Variants in CRIM1 observed in about 807,000 individuals in gnomAD.
The protein encoded by CRIM1 is cysteine rich transmembrane BMP regulator 1, also known as cysteine-rich motor neuron 1 protein.
Under a neutral mutation model 116.4 loss-of-function variants are expected in CRIM1, and 32 were observed. That is an observed-to-expected ratio of 0.27 (90% CI 0.21 to 0.37). CRIM1 has a LOEUF of 0.37. CRIM1 is among the 10% of genes least tolerant of loss of function. The pLI, the probability that CRIM1 is intolerant of heterozygous loss-of-function variation, is 1.00. For missense variants in CRIM1, 1,331 were observed against 1,354.8 expected (o/e 0.98, Z 0.28); for synonymous variants, 590 against 509.2 (o/e 1.16, Z -2.13).
chr2:36,398,457 G>A (rs1672192350), intron 2 of CRIM1, among the ~76,000 whole-genome samples: 3 of 152,172 alleles, frequency 2.0e-5, no homozygotes, highest in Non-Finnish European at 2.9e-5. Flanking sequence ...AGTTAGGCGT[G>A]TATTTATGAT....
intron 13 of CRIM1, among the ~76,000 whole-genome samples, chr2:36,530,970 A>C (rs556764857): frequency 6.6e-6 from 1 of 152,152 alleles, no homozygotes; most frequent in Non-Finnish European, 1.5e-5. Context: ...TGCATCCCCA[A>C]CACTTAGGAT....
chr2:36,448,490 G>A lies in CRIM1; in HGVS notation c.869+5755G>A, dbSNP rs186581025. The stretch of plus-strand genomic sequence containing the variant: ...TTTACAGACTCTTCACTTTGCCTCC[G>A]TAATTTTTCACCAGTGTTTCAGATA... On this transcript the variant is annotated intron_variant, in intron 4 of 16. Transcript: ENST00000280527. 3.9e-5 allele frequency among the ~76,000 whole-genome samples: 6 copies of A among 152,272 alleles called. No individual in the cohort carries two copies. The East Asian group carries it at 9.6e-4, about 24-fold the overall frequency.
At chr2:36,456,745 T>A (rs1264339778) in intron 4 of CRIM1, among the ~76,000 whole-genome samples, 1 of 152,098 alleles carries the variant, frequency 6.6e-6, no homozygotes, top group Admixed American at 6.5e-5. Context: ...GCCCTGCGAT[T>A]ACTTTCAGCT....
At chr2:36,507,068 C>T (rs1433687908) in intron 8 of CRIM1, among the ~76,000 whole-genome samples, 1 of 152,160 alleles carries the variant, frequency 6.6e-6, no homozygotes, top group African/African-American at 2.4e-5. Flanking sequence ...CTATGTTGCA[C>T]AGGCTGGTCT....
At chr2:36,493,326 A>G (rs1680360645) in intron 7 of CRIM1, among the ~76,000 whole-genome samples, 1 of 152,214 alleles carries the variant, frequency 6.6e-6, no homozygotes, top group South Asian at 2.1e-4. Flanking sequence ...GTTTTTCCAG[A>G]AAGACTTTTC....
chr2:36,532,974 C>G (rs59828923), intron 13 of CRIM1, among the ~76,000 whole-genome samples: 43 of 152,236 alleles, frequency 2.8e-4, no homozygotes, highest in African/African-American at 9.9e-4. Flanking sequence ...ATAAACGTAG[C>G]CTTTAGAGTT....
In CRIM1 at chr2:36,382,367, G is replaced by A. The variant is rs529594307; in HGVS notation, c.332-14247G>A. Among the ~76,000 whole-genome samples the A allele has an allele frequency of 1.1e-4, 16 of 152,360 alleles. 1 individual carries two copies. The highest frequency in any genetic ancestry group is 3.6e-4 in the African/African-American group (15 of 41,590). ...TCCTAACTGCTGCCATACCTGAAGG[G>A]CTTGTGTTTCCTGTGCAGCTGGAAT... On this transcript the variant is annotated intron_variant, in intron 1 of 16. Transcript: ENST00000280527.
chr2:36,465,946 C>T (rs548291597), intron 5 of CRIM1, among the ~76,000 whole-genome samples: 4 of 150,836 alleles, frequency 2.7e-5, no homozygotes, highest in Admixed American at 6.6e-5. Context: ...AGTGCAGTGG[C>T]GCAATCTCGG....
At chr2:36,495,167 C>T (rs1298408228) in intron 7 of CRIM1, among the ~76,000 whole-genome samples, 3 of 152,210 alleles carry the variant, frequency 2.0e-5, no homozygotes, top group South Asian at 4.2e-4. Context: ...TTACGAAACA[C>T]GCCAAAGATA....
chr2:36,515,323 A>G (rs1275750939), intron 11 of CRIM1, among the ~76,000 whole-genome samples: 1 of 152,236 alleles, frequency 6.6e-6, no homozygotes, highest in Non-Finnish European at 1.5e-5. Context: ...AGTCATGGAA[A>G]GTTCTTACGT....
intron 1 of CRIM1, among the ~76,000 whole-genome samples, chr2:36,379,997 C>T (rs1341455421): frequency 6.6e-6 from 1 of 151,886 alleles, no homozygotes; most frequent in Non-Finnish European, 1.5e-5. Context: ...ATATTTTCTC[C>T]ATGGACTGTC....
intron 5 of CRIM1, among the ~76,000 whole-genome samples, chr2:36,472,752 GT>G (rs1442088787): frequency 6.6e-6 from 1 of 152,054 alleles, no homozygotes; most frequent in East Asian, 1.9e-4. Context: ...TTTTGTTAGA[GT>G]ACAGTATTTT....
Position 36,496,580 on chromosome 2 carries a change from A to T in CRIM1, c.1373-2639A>T, listed in dbSNP as rs563807034. ...GGACTTGTTTTACCTGAAATATTTA[A>T]CACACACATTGTAAGACCAGCACAT... On this transcript the variant is annotated intron_variant, in intron 7 of 16. Transcript: ENST00000280527. 2.6e-5 allele frequency among the ~76,000 whole-genome samples: 4 copies of T among 152,306 alleles called. No individual in the cohort carries two copies. In the East Asian group the frequency reaches 7.7e-4, roughly 29 times the overall value.
intron 16 of CRIM1, among the ~76,000 whole-genome samples, chr2:36,547,981 G>C (rs1244017973): frequency 6.6e-6 from 1 of 151,958 alleles, no homozygotes; most frequent in African/African-American, 2.4e-5. Context: ...TCTGTCCTGC[G>C]GTTATCCTGC....
At chr2:36,511,291 C>T (rs897035435) in intron 9 of CRIM1, among the ~76,000 whole-genome samples, 8 of 152,154 alleles carry the variant, frequency 5.3e-5, no homozygotes, top group Non-Finnish European at 2.9e-5. Flanking sequence ...TTCCCATCTT[C>T]TGTCAGTCAT....
intron 2 of CRIM1, among the ~76,000 whole-genome samples, chr2:36,429,920 C>G (rs188368206): frequency 5.1e-4 from 77 of 152,266 alleles, no homozygotes; most frequent in African/African-American, 1.8e-3. Flanking sequence ...AAGACTTGAA[C>G]TAGAAGTAAG....
At chr2:36,456,468 C>T (rs920471832) in intron 4 of CRIM1, among the ~76,000 whole-genome samples, 2 of 152,202 alleles carry the variant, frequency 1.3e-5, no homozygotes, top group African/African-American at 2.4e-5. Flanking sequence ...CTTTCCACAG[C>T]GTGATGTGCC....
chr2:36,512,765 A>G (rs1332161509), intron 10 of CRIM1, among the ~76,000 whole-genome samples: 3 of 152,232 alleles, frequency 2.0e-5, no homozygotes, highest in Non-Finnish European at 4.4e-5. Flanking sequence ...TCAAAGTTCT[A>G]GAGGGTGGGT....
At chr2:36,537,291 C>A in intron 13 of CRIM1, 61 bp from the exon 14 acceptor site, 1 of 1,458,374 alleles carries the variant, frequency 6.9e-7, no homozygotes, top group Non-Finnish European at 9.6e-7. Flanking sequence ...TCTCTCACGT[C>A]TAATAAGATC....
Sources: gnomAD v4.1 joint callset for allele counts (sites outside exome capture counted in the v4.1 genomes callset) on GRCh38, gnomAD v4.1.1 for gene constraint, MANE v1.5 for transcripts, NCBI Gene and HGNC (gene_info 2026-07-23, HGNC 2026-07-21) for gene names.